Variants in UBAP1 observed in about 807,000 individuals in gnomAD.
UBAP1 encodes ubiquitin associated protein 1, also known as ubiquitin-associated protein 1.
Under a neutral mutation model 39.0 loss-of-function variants are expected in UBAP1, and 5 were observed. The observed-to-expected ratio is 0.13, with a 90% CI of 0.07 to 0.27. UBAP1 has a LOEUF of 0.27. UBAP1 is among the 10% of genes least tolerant of loss of function. UBAP1 has a pLI of 1.00. For synonymous variants in UBAP1, 211 were observed against 225.1 expected (o/e 0.94, Z 0.56); for missense variants, 490 against 608.1 (o/e 0.81, Z 2.04).
chr9:34,215,749 A>G (rs368225451), intron 1 of UBAP1, among the ~76,000 whole-genome samples: 2 of 152,002 alleles, frequency 1.3e-5, no homozygotes, highest in East Asian at 3.9e-4. Context: ...ACATATATAT[A>G]TGTACACACA....
At chr9:34,218,593 C>T (rs995152128) in intron 1 of UBAP1, among the ~76,000 whole-genome samples, 34 of 152,126 alleles carry the variant, frequency 2.2e-4, no homozygotes, top group Admixed American at 5.2e-4. Context: ...TATGTGCCTA[C>T]GTGGGAAGGT....
intron 2 of UBAP1, chr9:34,224,602 G>C (rs1459116614): frequency 2.5e-6 from 1 of 401,532 alleles, no homozygotes; most frequent in East Asian, 4.8e-5. Flanking sequence ...TGCGGTGCTT[G>C]TGTCAGTTCT....
Position 34,241,909 on chromosome 9 carries a change from A to T in UBAP1, c.884A>T (p.Asn295Ile). 6.2e-7 allele frequency: 1 copy of T among 1,614,204 alleles called. No homozygotes were observed. The highest frequency in any genetic ancestry group is 1.3e-5 in the African/African-American group (1 of 75,056). The change falls in exon 4 of 7, where the codon AAT becomes ATT. Residue 295 changes from asparagine (N) to isoleucine (I), a missense_variant. This residue lies in a region of UBAP1 where 339 missense variants were observed against 390.0 expected (regional missense o/e 0.87). Coordinates refer to ENST00000297661, the MANE Select transcript of UBAP1 (RefSeq NM_016525.5). ...TTCCATAGCACATCCTGCCTCCGCA[A>T]TGGCACGTTCCAGAATTCCCTAAAG... ...STFHSTSCLR[N>I]GTFQNSLKPS...
In UBAP1 at chr9:34,241,812, A is replaced by G; in HGVS notation, c.787A>G (p.Ile263Val). 3 of 1,614,090 alleles carry G rather than the reference A, an allele frequency of 1.9e-6. No homozygotes were observed. Among genetic ancestry groups the G allele is most frequent in the Non-Finnish European group, 2.5e-6 (3 of 1,180,012 alleles). Residue 263 changes from isoleucine (I) to valine (V), a missense_variant, in exon 4 of 7, where the codon ATC becomes GTC. Coordinates refer to ENST00000297661, the MANE Select transcript of UBAP1 (RefSeq NM_016525.5). ...CCCCCCTATACCTGCAGTAAGCAAT[A>G]TCAAATCCCTGTCTTTCCCCAAACT... ...SLPPIPAVSN[I>V]KSLSFPKLDS... is the part of the protein sequence containing the mutation.
chr9:34,185,641 T>C (rs1830366613), intron 1 of UBAP1, among the ~76,000 whole-genome samples: 1 of 152,014 alleles, frequency 6.6e-6, no homozygotes, highest in Non-Finnish European at 1.5e-5. Context: ...AGGTCAGGAT[T>C]TCAAGACCAG....
In UBAP1 at chr9:34,179,107, G is replaced by A. The variant is rs1829873861; in HGVS notation, c.-141G>A. The A allele has an allele frequency of 6.3e-6, 8 of 1,278,938 alleles. No homozygotes were observed. Among genetic ancestry groups the A allele is most frequent in the Non-Finnish European group, 7.9e-6 (8 of 1,010,604 alleles). The allele number at this position is 1,278,938 out of a possible 1,614,324, so 79.2% of individuals were successfully genotyped here. ...GTGGCTACGGTGACGGCCTGGCCCGGAGCGGGCAGAGTTGGAGGTGGTGGC... is the reference window on the plus strand; with the variant it reads ...GTGGCTACGGTGACGGCCTGGCCCGAAGCGGGCAGAGTTGGAGGTGGTGGC... On this transcript the variant is annotated 5_prime_UTR_variant, in exon 1 of 7. Transcript: ENST00000297661.
chr9:34,224,539 C>G, intron 2 of UBAP1: 1 of 435,362 alleles, frequency 2.3e-6, no homozygotes, highest in Non-Finnish European at 3.9e-6. Context: ...CAGCTGGGCA[C>G]CCCTGCTCAT....
chr9:34,230,885 A>G (rs2131600925), intron 2 of UBAP1, among the ~76,000 whole-genome samples: 1 of 152,156 alleles, frequency 6.6e-6, no homozygotes, highest in Non-Finnish European at 1.5e-5. Context: ...TTCATATTAA[A>G]TATAAGTTGG....
intron 3 of UBAP1, among the ~76,000 whole-genome samples, chr9:34,237,342 TAAG>T (rs1286106987): frequency 3.3e-5 from 5 of 152,170 alleles, no homozygotes; most frequent in Non-Finnish European, 7.3e-5. Context: ...TCCTGTGACT[TAAG>T]AAGATTTTTA....
chr9:34,230,917 C>A (rs932094413), intron 2 of UBAP1, among the ~76,000 whole-genome samples: 1 of 152,006 alleles, frequency 6.6e-6, no homozygotes, highest in African/African-American at 2.4e-5. Flanking sequence ...ATAGCTCATG[C>A]TTGTAATCCC....
chr9:34,197,829 C>T lies in UBAP1; in HGVS notation c.-8+18589C>T, dbSNP rs540217569. Among the ~76,000 whole-genome samples the T allele has an allele frequency of 4.6e-5, 7 of 152,290 alleles. No individual in the cohort carries two copies. In the East Asian group the frequency reaches 9.7e-4, roughly 21 times the overall value. Reference sequence around the variant, plus strand: ...CCTCCTGAAGTGCTAGGATTACAGGCGTGAGCCACTACACTTGGCCTCCTT... The same window carrying T: ...CCTCCTGAAGTGCTAGGATTACAGGTGTGAGCCACTACACTTGGCCTCCTT... On this transcript the variant is annotated intron_variant, in intron 1 of 6. Coordinates refer to ENST00000297661, the MANE Select transcript of UBAP1 (RefSeq NM_016525.5).
intron 1 of UBAP1, among the ~76,000 whole-genome samples, chr9:34,212,392 AACACACAC>A (rs35251034): frequency 1.1e-4 from 15 of 142,170 alleles, no homozygotes; most frequent in East Asian, 2.1e-4. Context: ...TTTCTATTAA[AACACACAC>A]ACACACACAC....
At chr9:34,212,425 A>ACACACT (rs397894815) in intron 1 of UBAP1, among the ~76,000 whole-genome samples, 4 of 139,296 alleles carry the variant, frequency 2.9e-5, no homozygotes, top group Admixed American at 7.2e-5. Context: ...ACACACACAC[A>ACACACT]CTTATAGTTA....
chr9:34,199,802 A>AT (rs34239421), intron 1 of UBAP1, among the ~76,000 whole-genome samples: 25,915 of 119,630 alleles, frequency 0.22, 3,237 homozygotes, highest in South Asian at 0.31. Context: ...TGCCTGGCTG[A>AT]TTTTTTTTTT....
At chr9:34,196,450 G>T (rs1831062380) in intron 1 of UBAP1, among the ~76,000 whole-genome samples, 3 of 151,588 alleles carry the variant, frequency 2.0e-5, no homozygotes, top group South Asian at 4.2e-4. Context: ...CGAGTAGCTG[G>T]GATTACAGGT....
chr9:34,199,020 G>A (rs1365101101), intron 1 of UBAP1, among the ~76,000 whole-genome samples: 2 of 152,224 alleles, frequency 1.3e-5, no homozygotes, highest in African/African-American at 4.8e-5. Context: ...TTCTGTGATA[G>A]TGACTAGAAC....
At chr9:34,214,511 C>G (rs1832191976) in intron 1 of UBAP1, among the ~76,000 whole-genome samples, 1 of 152,030 alleles carries the variant, frequency 6.6e-6, no homozygotes, top group East Asian at 1.9e-4. Flanking sequence ...AGATTAAGGA[C>G]TTAACGACCT....
intron 3 of UBAP1, among the ~76,000 whole-genome samples, chr9:34,235,547 G>A (rs1188293817): frequency 6.6e-6 from 1 of 152,106 alleles, no homozygotes; most frequent in African/African-American, 2.4e-5. Context: ...CACTGTATTA[G>A]CCAGGATGGT....
chr9:34,218,245 C>T (rs1832447581), intron 1 of UBAP1, among the ~76,000 whole-genome samples: 2 of 76,290 alleles, frequency 2.6e-5, no homozygotes, highest in Admixed American at 2.1e-4. Context: ...AGCGAGACTC[C>T]ATCTCAAAAA....
Sources: gnomAD v4.1 joint callset for allele counts (sites outside exome capture counted in the v4.1 genomes callset) on GRCh38, gnomAD v4.1.1 for gene constraint, gnomAD v4.1.1 regional missense constraint, MANE v1.5 for transcripts, NCBI Gene and HGNC (gene_info 2026-07-23, HGNC 2026-07-21) for gene names.